Variants in PDE4D observed in about 807,000 individuals in gnomAD.
The protein encoded by PDE4D is phosphodiesterase 4D, also known as 3',5'-cyclic-AMP phosphodiesterase 4D.
A neutral mutation model predicts 87.4 loss-of-function variants in PDE4D; 24 were observed. The ratio of observed to expected loss-of-function variants is 0.27; its 90% CI spans 0.20 to 0.39. PDE4D has a LOEUF of 0.39. PDE4D is among the 10% of genes least tolerant of loss of function. The pLI, the probability that PDE4D is intolerant of heterozygous loss-of-function variation, is 1.00. For synonymous variants in PDE4D, 384 were observed against 383.2 expected (o/e 1.00, Z -0.02); for missense variants, 714 against 1,041.0 (o/e 0.69, Z 4.32).
At chr5:59,760,943 CA>C (rs1247543559) in intron 1 of PDE4D, among the ~76,000 whole-genome samples, 18 of 152,194 alleles carry the variant, frequency 1.2e-4, no homozygotes, top group Admixed American at 5.9e-4. Flanking sequence ...TTTTTAGAGG[CA>C]AATTGACACA....
chr5:60,475,857 G>A (rs1359190008), intron 1 of PDE4D, among the ~76,000 whole-genome samples: 2 of 139,104 alleles, frequency 1.4e-5, no homozygotes, highest in South Asian at 5.1e-4. Flanking sequence ...ATTACCACCC[G>A]CATCACATAG....
At chr5:60,519,917 G>A (rs76362002) in intron 1 of PDE4D, among the ~76,000 whole-genome samples, 1,970 of 152,280 alleles carry the variant, frequency 0.013, 41 homozygotes, top group African/African-American at 0.046. Context: ...GCCAGTGAAA[G>A]AGTGAAATAC....
intron 1 of PDE4D, among the ~76,000 whole-genome samples, chr5:60,302,899 C>T (rs547903683): frequency 3.3e-5 from 5 of 152,082 alleles, no homozygotes; most frequent in African/African-American, 9.6e-5. Flanking sequence ...GGCACAATCT[C>T]GCTCACTCCA....
At chr5:59,932,913 C>A (rs917868183) in intron 3 of PDE4D, among the ~76,000 whole-genome samples, 1 of 152,114 alleles carries the variant, frequency 6.6e-6, no homozygotes, top group Non-Finnish European at 1.5e-5. Flanking sequence ...CCAATTTTTG[C>A]CACCTATCTG....
chr5:59,277,816 T>C lies in PDE4D; in HGVS notation c.456-61848A>G, dbSNP rs539179520. On this transcript the variant is annotated intron_variant, in intron 1 of 14. Coordinates refer to ENST00000340635, the MANE Select transcript of PDE4D (RefSeq NM_001104631.2). Reference sequence around the variant, plus strand: ...CACACACAAGTTTAGTGCAGCCCCATGTGCTGTTCCTTGCTTACTTGCCCA... The same window carrying C: ...CACACACAAGTTTAGTGCAGCCCCACGTGCTGTTCCTTGCTTACTTGCCCA... Among the ~76,000 whole-genome samples the C allele has an allele frequency of 3.3e-5, 5 of 152,338 alleles. No individual in the cohort carries two copies. The East Asian group carries it at 9.6e-4, about 29-fold the overall frequency.
chr5:59,196,039 A>C (rs564613874), intron 2 of PDE4D, among the ~76,000 whole-genome samples: 1 of 152,274 alleles, frequency 6.6e-6, no homozygotes, highest in African/African-American at 2.4e-5. Context: ...GTTGAGAGAG[A>C]GAGAGAGAGG....
chr5:60,464,429 A>G (rs555440709), intron 1 of PDE4D, among the ~76,000 whole-genome samples: 1 of 152,364 alleles, frequency 6.6e-6, no homozygotes, highest in Non-Finnish European at 1.5e-5. Context: ...GAATCCAGTC[A>G]TCACTCTGGA....
intron 1 of PDE4D, among the ~76,000 whole-genome samples, chr5:59,668,816 GA>G (rs200367780): frequency 2.1e-5 from 2 of 93,724 alleles, no homozygotes; most frequent in Admixed American, 2.3e-4. Context: ...AGAAGAAGAA[GA>G]AGAAGAAGAA....
At chr5:59,969,094 T>C (rs2152816216) in intron 3 of PDE4D, among the ~76,000 whole-genome samples, 1 of 152,200 alleles carries the variant, frequency 6.6e-6, no homozygotes, top group African/African-American at 2.4e-5. Flanking sequence ...TTTAATTGCA[T>C]TTTCTGTTAA....
At chr5:59,831,408 C>A (rs957794125) in intron 1 of PDE4D, among the ~76,000 whole-genome samples, 1 of 149,164 alleles carries the variant, frequency 6.7e-6, no homozygotes, top group Non-Finnish European at 1.5e-5. Flanking sequence ...GAACAAGATT[C>A]TTTGAAAGAA....
At chr5:60,317,955 T>A (rs971306856) in intron 1 of PDE4D, among the ~76,000 whole-genome samples, 2 of 152,226 alleles carry the variant, frequency 1.3e-5, no homozygotes, top group Non-Finnish European at 2.9e-5. Flanking sequence ...TGAGAAGATG[T>A]ATATTCTGTA....
At chr5:60,228,156 C>T (rs1447652490) in intron 1 of PDE4D, among the ~76,000 whole-genome samples, 2 of 152,028 alleles carry the variant, frequency 1.3e-5, no homozygotes, top group Non-Finnish European at 2.9e-5. Context: ...CATGTACTCT[C>T]GTGGCACCCT....
intron 1 of PDE4D, among the ~76,000 whole-genome samples, chr5:59,833,249 T>G (rs1741515268): frequency 6.6e-6 from 1 of 151,622 alleles, no homozygotes; most frequent in Non-Finnish European, 1.5e-5. Flanking sequence ...TTGGAAAGAG[T>G]GACTGACCTG....
chr5:59,414,641 A>G (rs545735496), intron 1 of PDE4D, among the ~76,000 whole-genome samples: 49 of 152,384 alleles, frequency 3.2e-4, no homozygotes, highest in Non-Finnish European at 5.7e-4. Flanking sequence ...AAGGAATGTC[A>G]TTCACTAGCT....
chr5:59,213,159 T>G (rs1750447026), intron 2 of PDE4D, among the ~76,000 whole-genome samples: 1 of 132,736 alleles, frequency 7.5e-6, no homozygotes, highest in Non-Finnish European at 1.6e-5. Context: ...CTCCTCCTTC[T>G]TCTTTTTTTC....
chr5:59,743,606 C>G (rs1759172111), intron 1 of PDE4D, among the ~76,000 whole-genome samples: 1 of 152,028 alleles, frequency 6.6e-6, no homozygotes, highest in African/African-American at 2.4e-5. Context: ...GGTGCAACCA[C>G]TATGGAAAAC....
intron 1 of PDE4D, among the ~76,000 whole-genome samples, chr5:59,692,564 T>C (rs1751143655): frequency 6.6e-6 from 1 of 152,132 alleles, no homozygotes; most frequent in African/African-American, 2.4e-5. Context: ...ACACCTCAGG[T>C]ATTAAAATGT....
intron 1 of PDE4D, among the ~76,000 whole-genome samples, chr5:59,459,781 A>G (rs1800483307): frequency 6.6e-6 from 1 of 152,166 alleles, no homozygotes; most frequent in Non-Finnish European, 1.5e-5. Flanking sequence ...TGTGGTTGTT[A>G]ACTAATCACA....
chr5:59,813,471 CACACACACACAT>C (rs1163459730), intron 1 of PDE4D, among the ~76,000 whole-genome samples: 10 of 145,712 alleles, frequency 6.9e-5, no homozygotes, highest in South Asian at 4.6e-4. Context: ...CACACACACA[CACACACACACAT>C]ATGCCTGTCA....
Sources: allele counts gnomAD v4.1 joint callset (sites outside exome capture counted in the v4.1 genomes callset), GRCh38; gene constraint gnomAD v4.1.1; transcripts MANE v1.5; gene names NCBI Gene and HGNC (gene_info 2026-07-23, HGNC 2026-07-21).